The following MATK variants were observed in gnomAD, a reference collection of about 807,000 sequenced individuals.
MATK encodes the protein megakaryocyte-associated tyrosine kinase.
Under a neutral mutation model 59.8 loss-of-function variants are expected in MATK, and 41 were observed. The observed-to-expected ratio is 0.69, with a 90% CI of 0.53 to 0.89. MATK has a LOEUF of 0.89. Among genes scored for constraint, MATK ranks in the 40% least tolerant of loss-of-function variants. The pLI, the probability that MATK is intolerant of heterozygous loss-of-function variation, is 0.00. For missense variants in MATK, 593 were observed against 719.6 expected (o/e 0.82, Z 2.01); for synonymous variants, 308 against 306.1 (o/e 1.01, Z -0.06).
At chr19:3,779,476 G>A (rs755038985) in intron 10 of MATK, 25 bp from the exon 11 acceptor site, 7 of 1,612,386 alleles carry the variant, frequency 4.3e-6, no homozygotes, top group Non-Finnish European at 5.9e-6. Flanking sequence ...AGATGGCCGC[G>A]GGATGTTGGG....
intron 1 of MATK, among the ~76,000 whole-genome samples, chr19:3,796,775 C>T (rs541997632): frequency 2.0e-5 from 3 of 152,238 alleles, no homozygotes; most frequent in Non-Finnish European, 4.4e-5. Flanking sequence ...TAGGAATGTG[C>T]TCCCCCTAGG....
upstream of MATK, among the ~76,000 whole-genome samples, chr19:3,789,568 G>A (rs1181964300): frequency 6.6e-6 from 1 of 152,130 alleles, no homozygotes; most frequent in African/African-American, 2.4e-5. Flanking sequence ...AGGGCTGGCT[G>A]GGGCAGGGAG....
At chr19:3,800,577 C>G (rs901802182) in intron 1 of MATK, among the ~76,000 whole-genome samples, 1 of 151,818 alleles carries the variant, frequency 6.6e-6, no homozygotes, top group African/African-American at 2.4e-5. Context: ...ACCCAGGAGG[C>G]GGAGGTTGTG....
At chr19:3,778,727 C>G in intron 12 of MATK, 132 bp from the exon 13 acceptor site, 2 of 1,041,790 alleles carry the variant, frequency 1.9e-6, no homozygotes, top group Non-Finnish European at 2.8e-6. Context: ...CCCCCAACGC[C>G]GCCCGCAGTT....
At position 3,785,065 on chromosome 19, in the gene MATK, C is replaced by T. The variant is rs1049336536; in HGVS notation, c.71G>A (p.Arg24Gln). ...CCCCTGTGGGGAAGTGATCTTTACC[C>T]GGGGAAGTTCCTCAGCAGAATCACA... ...HGCDSAEELP[R>Q]VSPRFLRAWH... Residue 24 changes from arginine to glutamine, a missense_variant and splice_region_variant, in exon 2 of 14, where the codon CGG (arginine) becomes CAG (glutamine). Coordinates refer to ENST00000310132, the MANE Select transcript of MATK (RefSeq NM_139355.3). 1.5e-5 allele frequency: 25 copies of T among 1,613,844 alleles called. No individual in the cohort carries two copies. The highest frequency in any genetic ancestry group is 2.0e-5 in the Non-Finnish European group (24 of 1,179,904).
intron 1 of MATK, among the ~76,000 whole-genome samples, chr19:3,792,424 G>A (rs1039829956): frequency 4.0e-5 from 6 of 151,842 alleles, no homozygotes; most frequent in East Asian, 1.9e-4. Flanking sequence ...GAAAGGCATC[G>A]TGACTGAGGC....
chr19:3,786,187 C>A lies in MATK; in HGVS notation c.-170G>T. The A allele has an allele frequency of 1.0e-6, 1 of 982,110 alleles. No individual in the cohort carries two copies. Among genetic ancestry groups the A allele is most frequent in the Non-Finnish European group, 1.2e-6 (1 of 827,284 alleles). The allele number at this position is 982,110 out of a possible 1,614,324, so 60.8% of individuals were successfully genotyped here. On this transcript the variant is annotated 5_prime_UTR_variant, in exon 1 of 14. Transcript: ENST00000310132. The surrounding 1 kb of genome is among the most constrained non-coding windows in gnomAD (Gnocchi z 4.1). ...TGCTCACCTGCTCAGGGGGCGCCCCCGAGCCGCGCCCCGCGCCCGCCCCCA... is the reference window on the plus strand; with the variant it reads ...TGCTCACCTGCTCAGGGGGCGCCCCAGAGCCGCGCCCCGCGCCCGCCCCCA...
exon 1 of MATK, chr19:3,801,574 C>CGAG (rs1231600145): frequency 1.3e-5 from 2 of 152,442 alleles, no homozygotes; most frequent in Admixed American, 1.3e-4. Context: ...CATCCGCAAC[C>CGAG]GAGGTCCCCG....
intron 1 of MATK, among the ~76,000 whole-genome samples, chr19:3,800,608 T>G (rs1382079648): frequency 1.3e-5 from 2 of 151,610 alleles, no homozygotes; most frequent in African/African-American, 4.8e-5. Flanking sequence ...ATTGCGCCAC[T>G]GCACTCCAGC....
At chr19:3,783,422 T>A in intron 6 of MATK, 1 of 601,572 alleles carries the variant, frequency 1.7e-6, no homozygotes, top group Admixed American at 2.9e-5. Context: ...TCCTGGGGGG[T>A]CCCCAGAGGA....
At position 3,779,550 on chromosome 19, in the gene MATK, T is replaced by C; in HGVS notation, c.910A>G (p.Met304Val). ...VILHQGLYIV[M>V]EHVSKGNLVN... The stretch of plus-strand genomic sequence containing the variant: ...CGCCCCACCTTGCTCACGTGCTCCA[T>C]GACAATGTACAGCCCCTGGTGCAGG... Residue 304 changes from methionine (M) to valine (V), a missense_variant, in exon 10 of 14, where the codon ATG (methionine) becomes GTG (valine). Transcript: ENST00000310132. 6.2e-7 allele frequency: 1 copy of C among 1,611,886 alleles called. No homozygotes were observed.
Position 3,779,123 on chromosome 19 carries a change from G to C in MATK, c.1066C>G (p.Arg356Gly), listed in dbSNP as rs1446673737. ...AGGTCCTCTGAGACCAGGATGTTGC[G>C]GGCGGCCAGGTCGCGGTGCACAAGC... ...KKLVHRDLAA[R>G]NILVSEDLVA... is the part of the protein sequence containing the mutation. Residue 356 changes from arginine (R) to glycine (G), a missense_variant, in exon 12 of 14, where the codon CGC (arginine) becomes GGC (glycine). Arg to Gly is a moderately radical substitution (Grantham distance 125). Transcript: ENST00000310132. 6.2e-7 allele frequency: 1 copy of C among 1,609,694 alleles called. No individual in the cohort carries two copies. The highest frequency in any genetic ancestry group is 8.5e-7 in the Non-Finnish European group (1 of 1,179,072).
intron 1 of MATK, among the ~76,000 whole-genome samples, chr19:3,794,905 G>A (rs2037578500): frequency 6.6e-6 from 1 of 151,758 alleles, no homozygotes; most frequent in African/African-American, 2.4e-5. Flanking sequence ...AAAGACCGTG[G>A]CTGCATTCCA....
intron 1 of MATK, among the ~76,000 whole-genome samples, chr19:3,794,293 C>T (rs536241734): frequency 3.3e-5 from 5 of 152,216 alleles, no homozygotes; most frequent in East Asian, 1.9e-4. Flanking sequence ...GCCCTGGGCC[C>T]GGCAACCATT....
chr19:3,800,008 T>G (rs1379840413), intron 1 of MATK, among the ~76,000 whole-genome samples: 4 of 138,256 alleles, frequency 2.9e-5, no homozygotes, highest in African/African-American at 5.5e-5. Context: ...TGGGTGTGGT[T>G]GCAGGCGCCT....
chr19:3,798,316 A>G (rs1479141342), intron 1 of MATK, among the ~76,000 whole-genome samples: 1 of 147,202 alleles, frequency 6.8e-6, no homozygotes, highest in Non-Finnish European at 1.5e-5. Flanking sequence ...GGAGTGCTAC[A>G]GAGCTGACGG....
rs2037438444 is a variant in MATK at position 3,783,919 on chromosome 19, G to A, written c.477C>T (p.Cys159=). 9.9e-6 allele frequency: 16 copies of A among 1,612,788 alleles called. No individual in the cohort carries two copies. The highest frequency in any genetic ancestry group is 2.2e-5 in the South Asian group (2 of 91,080). Residue 159 remains cysteine, a synonymous_variant, in exon 6 of 14, where the codon TGC becomes TGT. Transcript: ENST00000310132. Reference sequence around the variant, plus strand: ...GGATGACGTCGCGGCCAAAGCTCACGCACAGGACGTAGTCGCCGGGGTGGC... The same window carrying A: ...GGATGACGTCGCGGCCAAAGCTCACACACAGGACGTAGTCGCCGGGGTGGC... ...SARHPGDYVL[C]VSFGRDVIHY... is the part of the protein sequence containing the mutation.
upstream of MATK, among the ~76,000 whole-genome samples, chr19:3,789,721 C>CTT (rs34795629): frequency 5.3e-3 from 458 of 86,532 alleles, 9 homozygotes; most frequent in African/African-American, 0.018. Flanking sequence ...GGCAACTTTG[C>CTT]TTTTTTTTTT....
chr19:3,780,080 A>G (rs1465510328), intron 8 of MATK, among the ~76,000 whole-genome samples: 1 of 152,200 alleles, frequency 6.6e-6, no homozygotes, highest in Non-Finnish European at 1.5e-5. Context: ...CAGGAGTTCA[A>G]GACCAGCCCG....
Sources: allele counts gnomAD v4.1 joint callset (sites outside exome capture counted in the v4.1 genomes callset), GRCh38; gene constraint gnomAD v4.1.1; non-coding constraint Gnocchi (gnomAD v3.1); transcripts MANE v1.5; gene names NCBI Gene and HGNC (gene_info 2026-07-23, HGNC 2026-07-21).